The following RIMBP2 variants were observed in gnomAD, a reference collection of about 807,000 sequenced individuals.
RIMBP2 encodes the protein RIMS-binding protein 2.
In RIMBP2, 48 loss-of-function variants were observed where a neutral mutation model predicts 118.6. The observed-to-expected ratio is 0.40, with a 90% CI of 0.32 to 0.51. RIMBP2 has a LOEUF of 0.51. Among genes scored for constraint, RIMBP2 ranks in the 20% least tolerant of loss-of-function variants. The probability of loss-of-function intolerance (pLI) is 0.41; values close to 1 mark genes in which losing one functional copy is unlikely to be tolerated. For synonymous variants in RIMBP2, 762 were observed against 742.9 expected (o/e 1.03, Z -0.42); for missense variants, 1,551 against 1,768.3 (o/e 0.88, Z 2.20).
At chr12:130,645,370 G>A (rs1241614077) in intron 1 of RIMBP2, among the ~76,000 whole-genome samples, 1 of 152,160 alleles carries the variant, frequency 6.6e-6, no homozygotes, top group African/African-American at 2.4e-5. Context: ...ATTATCCAGA[G>A]GAGAAAATAA....
At chr12:130,543,927 A>G (rs1461750825) in intron 2 of RIMBP2, among the ~76,000 whole-genome samples, 1 of 152,114 alleles carries the variant, frequency 6.6e-6, no homozygotes, top group African/African-American at 2.4e-5. Context: ...ATTTAATAGA[A>G]TGTTTCTCTT....
At chr12:130,438,713 G>T (rs1336076737) in intron 11 of RIMBP2, among the ~76,000 whole-genome samples, 197 bp from the exon 12 acceptor site, 1 of 152,192 alleles carries the variant, frequency 6.6e-6, no homozygotes, top group Admixed American at 6.5e-5. Context: ...CAGGTACCAG[G>T]ATGCACAGCT....
At chr12:130,643,250 C>T (rs551906885) in intron 1 of RIMBP2, among the ~76,000 whole-genome samples, 8 of 152,298 alleles carry the variant, frequency 5.3e-5, no homozygotes, top group South Asian at 4.2e-4. Context: ...GCCCTGGCCC[C>T]GGGTGCACGG....
At chr12:130,537,188 A>G (rs1038257245) in intron 2 of RIMBP2, among the ~76,000 whole-genome samples, 1 of 152,158 alleles carries the variant, frequency 6.6e-6, no homozygotes, top group South Asian at 2.1e-4. Flanking sequence ...TCCTAAACAC[A>G]GCATCGACTG....
At chr12:130,644,624 T>G (rs2062768027) in intron 1 of RIMBP2, among the ~76,000 whole-genome samples, 1 of 152,184 alleles carries the variant, frequency 6.6e-6, no homozygotes, top group Admixed American at 6.5e-5. Context: ...AGCCCAGGAA[T>G]TACGGGAGAC....
Position 130,407,728 on chromosome 12 carries a change from C to T in RIMBP2, c.3691G>A (p.Glu1231Lys), listed in dbSNP as rs148542555. The T allele has an allele frequency of 1.5e-3, 2,483 of 1,612,764 alleles. 7 individuals are homozygous for T. Among genetic ancestry groups the T allele is most frequent in the Middle Eastern group, 0.01 (61 of 6,060 alleles). ...GAAGTGCAGTGTTTGGCTGGTACCTCGACATCGACGTTGGGCGAGCTTTCT... is the reference window on the plus strand; with the variant it reads ...GAAGTGCAGTGTTTGGCTGGTACCTTGACATCGACGTTGGGCGAGCTTTCT... The part of the protein sequence containing the change: ...PRESSPNVDV[E>K]AELTFCTGDI... Residue 1231 changes from glutamate to lysine, a missense_variant and splice_region_variant, in exon 20 of 23, where the codon GAG becomes AAG. Physicochemically the swap from Glu to Lys is moderately conservative, Grantham distance 56. This residue lies in a region of RIMBP2 where 1,038 missense variants were observed against 1,125.1 expected (regional missense o/e 0.92). Transcript: ENST00000690449.
intron 2 of RIMBP2, among the ~76,000 whole-genome samples, chr12:130,559,496 C>T (rs1260713233): frequency 6.6e-6 from 1 of 152,204 alleles, no homozygotes; most frequent in Non-Finnish European, 1.5e-5. Flanking sequence ...GACAGGCTTT[C>T]CTTCTTTTCA....
chr12:130,414,590 G>A (rs2136522469), intron 17 of RIMBP2: 1 of 268,722 alleles, frequency 3.7e-6, no homozygotes. Context: ...CTGGGGCAGG[G>A]GCTGCGGCCG....
chr12:130,556,539 G>A (rs562659408), intron 2 of RIMBP2, among the ~76,000 whole-genome samples: 4 of 152,332 alleles, frequency 2.6e-5, no homozygotes, highest in Admixed American at 2.6e-4. Flanking sequence ...GGGACGCTCG[G>A]GCACTCAGGA....
chr12:130,420,881 C>A lies in RIMBP2; in HGVS notation c.3238+1572G>T, dbSNP rs779582433. 5.9e-5 allele frequency: 9 copies of A among 152,154 alleles called. No homozygotes were observed. The highest frequency in any genetic ancestry group is 7.3e-5 in the Non-Finnish European group (5 of 68,034). The allele number at this position is 152,154 out of a possible 1,614,324, so 9.4% of individuals were successfully genotyped here. On this transcript the variant is annotated intron_variant, in intron 17 of 22. Coordinates refer to ENST00000690449, the MANE Select transcript of RIMBP2 (RefSeq NM_001393629.1). The surrounding 1 kb of genome is among the most constrained non-coding windows in gnomAD (Gnocchi z 4.3). ...AGTCCTAGGAGACTGGAGTAGAAGA[C>A]CTACCATGCCTCTTCCAAAGGACGT...
intron 6 of RIMBP2, among the ~76,000 whole-genome samples, chr12:130,464,726 C>T (rs1228818727): frequency 6.6e-6 from 1 of 152,252 alleles, no homozygotes; most frequent in South Asian, 2.1e-4. Context: ...GTAGGACCCA[C>T]CCAGGTCTCT....
intron 2 of RIMBP2, among the ~76,000 whole-genome samples, chr12:130,519,213 A>G (rs2051809798): frequency 6.6e-6 from 1 of 152,226 alleles, no homozygotes; most frequent in Non-Finnish European, 1.5e-5. Context: ...ACACATCAGA[A>G]AAGCAGCAAG....
chr12:130,497,837 C>T, intron 4 of RIMBP2, among the ~76,000 whole-genome samples: 1 of 152,188 alleles, frequency 6.6e-6, no homozygotes, highest in East Asian at 1.9e-4. Context: ...GACTCCTGTG[C>T]CAGGACCTAA....
chr12:130,675,539 ACCCCCATGCCTCCAGGCCGTCCACC>A (rs998363762), intron 1 of RIMBP2, among the ~76,000 whole-genome samples: 1 of 360 alleles, frequency 2.8e-3, no homozygotes, highest in East Asian at 0.1. Flanking sequence ...CCTTCCGTCC[ACCCCCATGCCTCCAGGCCGTCCACC>A]CCCATGCCTC....
chr12:130,695,003 G>A (rs182054646), intron 1 of RIMBP2, among the ~76,000 whole-genome samples: 16 of 152,272 alleles, frequency 1.1e-4, no homozygotes, highest in South Asian at 2.1e-4. Flanking sequence ...TCAGTTTCCC[G>A]TCAGTGTCGC....
chr12:130,599,961 C>G (rs945073121), intron 2 of RIMBP2, among the ~76,000 whole-genome samples: 1 of 152,148 alleles, frequency 6.6e-6, no homozygotes, highest in Admixed American at 6.5e-5. Context: ...CCGATCACCT[C>G]CTTTGGAGAG....
At chr12:130,655,752 T>TC (rs999988713) in intron 1 of RIMBP2, among the ~76,000 whole-genome samples, 1 of 152,190 alleles carries the variant, frequency 6.6e-6, no homozygotes, top group African/African-American at 2.4e-5. Flanking sequence ...ACTTCAGCTC[T>TC]CCCTCAGCTC....
chr12:130,626,696 C>A (rs755921548), intron 2 of RIMBP2, among the ~76,000 whole-genome samples: 1 of 151,054 alleles, frequency 6.6e-6, no homozygotes, highest in East Asian at 2.0e-4. Context: ...ATCACAACTA[C>A]TGCTTCATCA....
chr12:130,637,573 C>G (rs1257259099), intron 1 of RIMBP2, among the ~76,000 whole-genome samples: 1 of 152,146 alleles, frequency 6.6e-6, no homozygotes, highest in Non-Finnish European at 1.5e-5. Flanking sequence ...AAGCTTCAGG[C>G]CACAGTTAAG....
Sources: gnomAD v4.1 joint callset for allele counts (sites outside exome capture counted in the v4.1 genomes callset) on GRCh38, gnomAD v4.1.1 for gene constraint, gnomAD v4.1.1 regional missense constraint, Gnocchi (gnomAD v3.1) non-coding constraint, MANE v1.5 for transcripts, NCBI Gene and HGNC (gene_info 2026-07-23, HGNC 2026-07-21) for gene names.